RFX5: variants seen among roughly 807,000 people sequenced by gnomAD.
RFX5 encodes the protein DNA-binding protein RFX5.
In RFX5, 30 loss-of-function variants were observed where a neutral mutation model predicts 41.2. The observed-to-expected ratio is 0.73, with a 90% CI of 0.54 to 0.99. The LOEUF is 0.99. RFX5 is among the 50% of genes least tolerant of loss of function. The pLI is 0.00. For missense variants in RFX5, 715 were observed against 773.6 expected (o/e 0.92, Z 0.90); for synonymous variants, 231 against 291.8 (o/e 0.79, Z 2.12).
At position 151,344,750 on chromosome 1, in the gene RFX5, G is replaced by A; in HGVS notation, c.331C>T (p.Gln111Ter). ...EEHTDTCLPK[Q>*]SVYDAYRKYC... is the part of the protein sequence containing the mutation. Reference sequence around the variant, plus strand: ...CACCGATAGGCATCATAAACACTTTGCTTTGGCAGACAGGTGTCAGTGTGC... The same window carrying A: ...CACCGATAGGCATCATAAACACTTTACTTTGGCAGACAGGTGTCAGTGTGC... Residue 111 changes from glutamine (Q) to a stop codon, truncating the protein, a stop_gained, in exon 6 of 11, where the codon CAA becomes TAA. Coordinates refer to ENST00000452671, the MANE Select transcript of RFX5 (RefSeq NM_001025603.2). LOFTEE classifies it high-confidence loss of function. 9.9e-7 allele frequency: 1 copy of A among 1,007,840 alleles called. No individual in the cohort carries two copies. The highest frequency in any genetic ancestry group is 1.4e-6 in the Non-Finnish European group (1 of 710,020). 62.4% of individuals were successfully genotyped at this position (1,007,840 alleles called of 1,614,324 possible).
chr1:151,342,045 A>C lies in RFX5; in HGVS notation c.*141T>G. On this transcript the variant is annotated 3_prime_UTR_variant, in exon 11 of 11. Coordinates refer to ENST00000452671, the MANE Select transcript of RFX5 (RefSeq NM_001025603.2). ...GAGGCAGCAACCAGGTACTAAGTAGACTGGGTGACTCAGCTGTCTGTACAG... is the reference window on the plus strand; with the variant it reads ...GAGGCAGCAACCAGGTACTAAGTAGCCTGGGTGACTCAGCTGTCTGTACAG... 8.3e-7 allele frequency: 1 copy of C among 1,198,278 alleles called. No individual in the cohort carries two copies. The highest frequency in any genetic ancestry group is 1.3e-5 in the South Asian group (1 of 79,302). 74.2% of individuals were successfully genotyped at this position (1,198,278 alleles called of 1,614,324 possible).
rs920506839 is a variant in RFX5 at position 151,342,497 on chromosome 1, C to T, written c.1540G>A (p.Gly514Arg). The change falls in exon 11 of 11, where the codon GGG (glycine) becomes AGG (arginine). Residue 514 changes from glycine (G) to arginine (R), a missense_variant. By Grantham distance (125) the Gly-to-Arg change is moderately radical. Transcript: ENST00000452671. ...GSGGEGNSAGGAERPGPMGEA... is the reference protein window; with the variant it reads ...GSGGEGNSAGRAERPGPMGEA... ...CCCATTGGCCCTGGCCTCTCTGCCC[C>T]TCCAGCTGAGTTGCCTTCCCCTCCT... 1 of 1,614,026 alleles carries T rather than the reference C, an allele frequency of 6.2e-7. No homozygotes were observed. The highest frequency in any genetic ancestry group is 8.5e-7 in the Non-Finnish European group (1 of 1,179,986).
rs2233852 is a variant in RFX5, at chr1:151,343,241, G to A, written c.859-63C>T. ...AATGAGTATTGGGGGAAACATAGAC[G>A]CCAGAGGCACAGGAGGTGGAAAAGC... On this transcript the variant is annotated intron_variant, in intron 10 of 10. Coordinates refer to ENST00000452671, the MANE Select transcript of RFX5 (RefSeq NM_001025603.2). The A allele has an allele frequency of 2.6e-3, 4,190 of 1,608,868 alleles. 171 individuals carry two copies. In the East Asian group the frequency reaches 0.081, roughly 31 times the overall value.
chr1:151,343,227 G>A, intron 10 of RFX5, 49 bp from the exon 11 acceptor site: 8 of 1,610,658 alleles, frequency 5.0e-6, no homozygotes, highest in Non-Finnish European at 6.8e-6. Context: ...ATGAGTATTG[G>A]GGGAAACATA....
Position 151,342,568 on chromosome 1 carries a change from A to G in RFX5, c.1469T>C (p.Met490Thr), listed in dbSNP as rs776367086. ...TAACCTTGAGGACTGGGCAGATTCC[A>G]TGGCAGCTGCTGACTTGAGAGGGGT... ...NSTPLKSAAA[M>T]ESAQSSRLPW... The change falls in exon 11 of 11, where the codon ATG becomes ACG. Residue 490 changes from methionine (M) to threonine (T), a missense_variant. Transcript: ENST00000452671. 6.2e-7 allele frequency: 1 copy of G among 1,613,978 alleles called. No homozygotes were observed. The highest frequency in any genetic ancestry group is 1.7e-5 in the Admixed American group (1 of 59,998).
rs529044153 is a variant in RFX5 at position 151,343,862 on chromosome 1, T to A, written c.576A>T (p.Val192=). Residue 192 remains valine, a synonymous_variant, in exon 9 of 11, where the codon GTA becomes GTT. Transcript: ENST00000452671. The part of the protein sequence containing the change: ...GSESPEMGPE[V]TPAPRDELVE... ...CCAGTTCATCTCGAGGTGCTGGGGTTACTTCTGGGCCCATTTCTGGCTGAA... is the reference window on the plus strand; with the variant it reads ...CCAGTTCATCTCGAGGTGCTGGGGTAACTTCTGGGCCCATTTCTGGCTGAA... 1 of 1,614,004 alleles carries A rather than the reference T, an allele frequency of 6.2e-7. No individual in the cohort carries two copies. The highest frequency in any genetic ancestry group is 1.1e-5 in the South Asian group (1 of 91,076).
At chr1:151,344,391 C>A in intron 7 of RFX5, 26 bp downstream of exon 7, 2 of 1,614,184 alleles carry the variant, frequency 1.2e-6, no homozygotes, top group Middle Eastern at 1.6e-4. Context: ...AGGTCCTCCA[C>A]CCCCAACCTC....
chr1:151,343,444 T>C lies in RFX5; in HGVS notation c.758-2A>G, dbSNP rs750544541. ...CCCGAGGTGCATGTTCGTCCTCTTC[T>C]GCAGAGGTACCAAAAAGGTAATAGA... On this transcript the variant is annotated splice_acceptor_variant, in intron 9 of 10. Transcript: ENST00000452671. LOFTEE classifies it high-confidence loss of function. 2 of 1,613,742 alleles carry C rather than the reference T, an allele frequency of 1.2e-6. No homozygotes were observed. Among genetic ancestry groups the C allele is most frequent in the South Asian group, 1.1e-5 (1 of 91,052 alleles).
chr1:151,343,800 T>A lies in RFX5; in HGVS notation c.638A>T (p.Glu213Val), dbSNP rs1320730622. Reference protein sequence around the residue: ...AACALTCDWAERILKRSFSSI... With the variant: ...AACALTCDWAVRILKRSFSSI... The stretch of plus-strand genomic sequence containing the variant: ...ACTGAAGGACCGTTTCAGGATCCGC[T>A]CTGCCCAGTCACAGGTCAGGGCACA... The change falls in exon 9 of 11, where the codon GAG (glutamate) becomes GTG (valine). Residue 213 changes from glutamate to valine, a missense_variant. By Grantham distance (121) the Glu-to-Val change is moderately radical. Transcript: ENST00000452671. The A allele has an allele frequency of 6.2e-7, 1 of 1,614,132 alleles. No individual in the cohort carries two copies. Among genetic ancestry groups the A allele is most frequent in the Non-Finnish European group, 8.5e-7 (1 of 1,180,042 alleles).
In RFX5 at chr1:151,345,818, C is replaced by A; in HGVS notation, c.150+110G>T. The A allele has an allele frequency of 2.0e-6, 3 of 1,474,716 alleles. 1 individual carries two copies. Among genetic ancestry groups the A allele is most frequent in the South Asian group, 2.3e-5 (2 of 88,276 alleles). 91.4% of individuals were successfully genotyped at this position (1,474,716 alleles called of 1,614,324 possible). ...CAAAGCCAACTATCTTCTGACAAGGCAGAGGACCCTACCTCTCCCACATCA... is the reference window on the plus strand; with the variant it reads ...CAAAGCCAACTATCTTCTGACAAGGAAGAGGACCCTACCTCTCCCACATCA... On this transcript the variant is annotated intron_variant, in intron 4 of 10. Coordinates refer to ENST00000452671, the MANE Select transcript of RFX5 (RefSeq NM_001025603.2).
chr1:151,342,539 A>T lies in RFX5; in HGVS notation c.1498T>A (p.Trp500Arg), dbSNP rs772051936. 3 of 1,613,946 alleles carry T rather than the reference A, an allele frequency of 1.9e-6. No homozygotes were observed. The South Asian group carries it at 3.3e-5, about 18-fold the overall frequency. The part of the protein sequence containing the change: ...MESAQSSRLP[W>R]ETWGSGGEGN... The stretch of plus-strand genomic sequence containing the variant: ...TCCCCTCCTGAGCCCCATGTCTCCC[A>T]TGGTAACCTTGAGGACTGGGCAGAT... The change falls in exon 11 of 11, where the codon TGG (tryptophan) becomes AGG (arginine). Residue 500 changes from tryptophan (W) to arginine (R), a missense_variant. Coordinates refer to ENST00000452671, the MANE Select transcript of RFX5 (RefSeq NM_001025603.2).
rs770400757 is a variant in RFX5 at position 151,346,187 on chromosome 1, G to A, written c.116+18C>T. 2.3e-5 allele frequency: 37 copies of A among 1,610,004 alleles called. No individual in the cohort carries two copies. The African/African-American group carries it at 4.0e-4, about 17-fold the overall frequency. On this transcript the variant is annotated intron_variant, in intron 3 of 10. Coordinates refer to ENST00000452671, the MANE Select transcript of RFX5 (RefSeq NM_001025603.2). ...ACTCAGGTCTTGGACAGGACTTGGA[G>A]ATGTGATGAGTACTTACGAAATGGT...
chr1:151,344,047 G>A (rs570840970), intron 8 of RFX5, 150 bp downstream of exon 8: 132 of 1,065,166 alleles, frequency 1.2e-4, no homozygotes, highest in Non-Finnish European at 1.7e-4. Flanking sequence ...TTCATCCTCT[G>A]CCTCAGCTAC....
In RFX5 at chr1:151,344,825, T is replaced by C. The variant is rs140430054; in HGVS notation, c.256A>G (p.Asn86Asp). The change falls in exon 6 of 11, where the codon AAT (asparagine) becomes GAT (aspartate). Residue 86 changes from asparagine to aspartate, a missense_variant. Asn to Asp is a conservative substitution (Grantham distance 23). Coordinates refer to ENST00000452671, the MANE Select transcript of RFX5 (RefSeq NM_001025603.2). ...CTATAGGCATACATGTACTCCTCAT[T>C]GCTCAGTGTACTTGGCTCTGAGCTA... ...DKSSEPSTLS[N>D]EEYMYAYRWI... 4 of 1,614,008 alleles carry C rather than the reference T, an allele frequency of 2.5e-6. No individual in the cohort carries two copies. Among genetic ancestry groups the C allele is most frequent in the Non-Finnish European group, 3.4e-6 (4 of 1,180,008 alleles).
chr1:151,341,945 C>G lies in RFX5; in HGVS notation c.*241G>C, dbSNP rs1186495873. 1 of 699,700 alleles carries G rather than the reference C, an allele frequency of 1.4e-6. No homozygotes were observed. The highest frequency in any genetic ancestry group is 2.7e-6 in the Non-Finnish European group (1 of 375,540). The allele number at this position is 699,700 out of a possible 1,614,324, so 43.3% of individuals were successfully genotyped here. A position where few individuals can be genotyped will look rare whatever the true frequency, so the allele number is the denominator to read the frequency against. On this transcript the variant is annotated 3_prime_UTR_variant, in exon 11 of 11. Coordinates refer to ENST00000452671, the MANE Select transcript of RFX5 (RefSeq NM_001025603.2). ...CCATTCCTACCTTCCCACAGGATAGCACAGGGAATACAGGTAAGGTCACTA... is the reference window on the plus strand; with the variant it reads ...CCATTCCTACCTTCCCACAGGATAGGACAGGGAATACAGGTAAGGTCACTA...
chr1:151,341,925 C>T lies in RFX5; in HGVS notation c.*261G>A. ...ATATATTCATCATACTTAGCCCATT[C>T]CTACCTTCCCACAGGATAGCACAGG... is the stretch of plus-strand genomic sequence containing the variant. On this transcript the variant is annotated 3_prime_UTR_variant, in exon 11 of 11. Transcript: ENST00000452671. 1.5e-6 allele frequency: 1 copy of T among 671,816 alleles called. No homozygotes were observed. Among genetic ancestry groups the T allele is most frequent in the Non-Finnish European group, 2.8e-6 (1 of 359,774 alleles). 41.6% of individuals were successfully genotyped at this position (671,816 alleles called of 1,614,324 possible). A position where few individuals can be genotyped will look rare whatever the true frequency, so the allele number is the denominator to read the frequency against.
chr1:151,344,699 C>T, intron 6 of RFX5, 29 bp downstream of exon 6: 1 of 1,550,292 alleles, frequency 6.5e-7, no homozygotes, highest in Non-Finnish European at 8.7e-7. Context: ...CACCAATCCA[C>T]TCATCCCACC....
In RFX5 at chr1:151,345,955, G is replaced by A. The variant is rs759231161; in HGVS notation, c.123C>T (p.Ala41=). ...GGATCCCCTCTACTTTGTTCTGCAC[G>A]GCCTTGCTGTGGGGAAGAGGAGAAA... ...LQRLRGTISK[A]VQNKVEGILQ... is the part of the protein sequence containing the mutation. The change falls in exon 4 of 11, where the codon GCC becomes GCT. Residue 41 remains alanine, a synonymous_variant. Coordinates refer to ENST00000452671, the MANE Select transcript of RFX5 (RefSeq NM_001025603.2). 1.9e-6 allele frequency: 3 copies of A among 1,613,946 alleles called. No individual in the cohort carries two copies. Among genetic ancestry groups the A allele is most frequent in the South Asian group, 1.1e-5 (1 of 91,080 alleles).
At position 151,342,168 on chromosome 1, in the gene RFX5, C is replaced by G; in HGVS notation, c.*18G>C. On this transcript the variant is annotated 3_prime_UTR_variant, in exon 11 of 11. Coordinates refer to ENST00000452671, the MANE Select transcript of RFX5 (RefSeq NM_001025603.2). ...AAGTTAACGTAGGGATATAAACACT[C>G]TTCCCCACAGACCTGTATCATGGGG... 1.1e-5 allele frequency: 17 copies of G among 1,614,190 alleles called. No individual in the cohort carries two copies. Among genetic ancestry groups the G allele is most frequent in the Non-Finnish European group, 1.4e-5 (17 of 1,180,038 alleles).
Sources: gnomAD v4.1 joint callset for allele counts on GRCh38, gnomAD v4.1.1 for gene constraint, MANE v1.5 for transcripts, NCBI Gene and HGNC (gene_info 2026-07-23, HGNC 2026-07-21) for gene names.